AUTS2: variants seen among roughly 807,000 people sequenced by gnomAD.
The protein encoded by AUTS2 is autism susceptibility gene 2 protein.
In AUTS2, 17 loss-of-function variants were observed where a neutral mutation model predicts 112.4. The ratio of observed to expected loss-of-function variants is 0.15; its 90% CI spans 0.10 to 0.23. The LOEUF is 0.23. Among genes scored for constraint, AUTS2 ranks in the 10% least tolerant of loss-of-function variants. The pLI, the probability that AUTS2 is intolerant of heterozygous loss-of-function variation, is 1.00. For synonymous variants in AUTS2, 751 were observed against 702.7 expected (o/e 1.07, Z -1.09); for missense variants, 1,510 against 1,701.6 (o/e 0.89, Z 1.98).
chr7:69,776,387 G>A (rs1788898400), intron 1 of AUTS2, among the ~76,000 whole-genome samples: 2 of 152,156 alleles, frequency 1.3e-5, no homozygotes, highest in South Asian at 4.1e-4. Flanking sequence ...GTTTCAGAGA[G>A]AGCATTCTTG....
intron 4 of AUTS2, among the ~76,000 whole-genome samples, chr7:70,237,889 C>T (rs545641057): frequency 3.7e-4 from 56 of 152,274 alleles, no homozygotes; most frequent in African/African-American, 1.3e-3. Context: ...TAAATACACT[C>T]GGAGCGATTG....
intron 1 of AUTS2, among the ~76,000 whole-genome samples, chr7:69,774,824 A>G (rs932307647): frequency 1.3e-5 from 2 of 152,130 alleles, no homozygotes; most frequent in African/African-American, 4.8e-5. Context: ...TAGGTCTAGG[A>G]TAGAGTCCAA....
intron 4 of AUTS2, among the ~76,000 whole-genome samples, chr7:70,187,801 C>T (rs1368744256): frequency 1.9e-5 from 2 of 102,892 alleles, no homozygotes; most frequent in Non-Finnish European, 3.7e-5. Flanking sequence ...TTTTTTGAGA[C>T]GGAGTCACTA....
intron 10 of AUTS2, among the ~76,000 whole-genome samples, chr7:70,769,148 A>G (rs1027811620): frequency 2.0e-5 from 3 of 152,134 alleles, no homozygotes; most frequent in Non-Finnish European, 4.4e-5. Context: ...GGGCATTTAG[A>G]AATAACGTAA....
At chr7:69,914,356 G>GACACACACACACAGAC (rs1795480595) in intron 2 of AUTS2, among the ~76,000 whole-genome samples, 1 of 136,004 alleles carries the variant, frequency 7.4e-6, no homozygotes, top group African/African-American at 2.8e-5. Context: ...CACACACACA[G>GACACACACACACAGAC]ACACACACAC....
intron 1 of AUTS2, among the ~76,000 whole-genome samples, chr7:69,843,285 A>C (rs1792059369): frequency 6.6e-6 from 1 of 152,142 alleles, no homozygotes; most frequent in South Asian, 2.1e-4. Context: ...AAACCAAATA[A>C]AATGGGTTCA....
At chr7:70,499,535 T>C (rs1798691310) in intron 5 of AUTS2, among the ~76,000 whole-genome samples, 1 of 152,146 alleles carries the variant, frequency 6.6e-6, no homozygotes, top group African/African-American at 2.4e-5. Context: ...AGGAGGAAGC[T>C]CTTCTTCCAA....
At chr7:69,712,271 A>G (rs976036759) in intron 1 of AUTS2, among the ~76,000 whole-genome samples, 5 of 152,168 alleles carry the variant, frequency 3.3e-5, no homozygotes, top group South Asian at 2.1e-4. Context: ...TTAGTATACA[A>G]TGTGTTAAGT....
chr7:70,325,712 T>G (rs1258895036), intron 4 of AUTS2, among the ~76,000 whole-genome samples: 1 of 152,224 alleles, frequency 6.6e-6, no homozygotes, highest in Non-Finnish European at 1.5e-5. Context: ...TTAGTCACCC[T>G]TTCTGCAAGG....
intron 18 of AUTS2, among the ~76,000 whole-genome samples, chr7:70,788,684 T>C (rs1403051661): frequency 6.6e-6 from 1 of 152,236 alleles, no homozygotes. Flanking sequence ...TATACTCTTC[T>C]TCCATCCTTC....
intron 5 of AUTS2, among the ~76,000 whole-genome samples, chr7:70,465,411 T>G (rs1222609016): frequency 6.6e-6 from 1 of 152,202 alleles, no homozygotes; most frequent in Non-Finnish European, 1.5e-5. Flanking sequence ...CAGGGTATGT[T>G]AAATTCCTTC....
intron 4 of AUTS2, among the ~76,000 whole-genome samples, chr7:70,157,852 A>T (rs1485224796): frequency 6.6e-6 from 1 of 152,204 alleles, no homozygotes; most frequent in Admixed American, 6.5e-5. Context: ...CTCATTTGAG[A>T]ACCACTACCT....
Position 69,966,039 on chromosome 7 carries a change from C to A in AUTS2, c.522+66541C>A, listed in dbSNP as rs112755623. Among the ~76,000 whole-genome samples, 62 of 152,252 alleles carry A rather than the reference C, an allele frequency of 4.1e-4. 4 individuals carry two copies. The highest frequency in any genetic ancestry group is 1.4e-3 in the African/African-American group (58 of 41,558). On this transcript the variant is annotated intron_variant, in intron 2 of 18. Coordinates refer to ENST00000342771, the MANE Select transcript of AUTS2 (RefSeq NM_015570.4). Reference sequence around the variant, plus strand: ...TTCAGGAGGGTCTTTCAGTGGTAATCACGCCTAAAATTTTGAATGCTTAAA... The same window carrying A: ...TTCAGGAGGGTCTTTCAGTGGTAATAACGCCTAAAATTTTGAATGCTTAAA...
chr7:70,377,279 G>A (rs1793130464), intron 4 of AUTS2, among the ~76,000 whole-genome samples: 1 of 134,752 alleles, frequency 7.4e-6, no homozygotes, highest in Admixed American at 7.7e-5. Flanking sequence ...ACTCTGAGGA[G>A]CCAAAGTCAG....
At chr7:69,646,704 T>C (rs1306563867) in intron 1 of AUTS2, among the ~76,000 whole-genome samples, 2 of 152,254 alleles carry the variant, frequency 1.3e-5, no homozygotes, top group Non-Finnish European at 2.9e-5. Flanking sequence ...AGGCCTCTCC[T>C]CTCTCCTTTT....
chr7:70,729,611 T>G (rs1024770695), intron 6 of AUTS2, among the ~76,000 whole-genome samples: 2 of 152,216 alleles, frequency 1.3e-5, no homozygotes, highest in Non-Finnish European at 2.9e-5. Flanking sequence ...TGGCAGTCAG[T>G]CAGGCGTTGT....
At chr7:70,500,185 A>T (rs542110990) in intron 5 of AUTS2, among the ~76,000 whole-genome samples, 2 of 151,798 alleles carry the variant, frequency 1.3e-5, no homozygotes, top group African/African-American at 4.8e-5. Flanking sequence ...AAAAAAAAAA[A>T]AACAAAACAA....
At chr7:70,613,145 A>G (rs1804181743) in intron 5 of AUTS2, among the ~76,000 whole-genome samples, 1 of 152,108 alleles carries the variant, frequency 6.6e-6, no homozygotes, top group Admixed American at 6.6e-5. Flanking sequence ...GCAGTGATTA[A>G]AGCTGTCATT....
At chr7:70,730,660 G>T (rs533465902) in intron 6 of AUTS2, among the ~76,000 whole-genome samples, 19 of 149,214 alleles carry the variant, frequency 1.3e-4, no homozygotes, top group African/African-American at 4.6e-4. Flanking sequence ...ATCAGTTGAC[G>T]GACATTCAAG....
Sources: gnomAD v4.1 joint callset for allele counts (sites outside exome capture counted in the v4.1 genomes callset) on GRCh38, gnomAD v4.1.1 for gene constraint, MANE v1.5 for transcripts, NCBI Gene and HGNC (gene_info 2026-07-23, HGNC 2026-07-21) for gene names.